The following AP3D1 variants were observed in gnomAD, a reference collection of about 807,000 sequenced individuals.
AP3D1 encodes the protein adaptor related protein complex 3 subunit delta 1.
Under a neutral mutation model 147.6 loss-of-function variants are expected in AP3D1, and 51 were observed. The ratio of observed to expected loss-of-function variants is 0.35; its 90% CI spans 0.28 to 0.44. The LOEUF (loss-of-function observed/expected upper bound fraction) is 0.44. Ranked by LOEUF, AP3D1 falls within the 20% of genes least tolerant of loss-of-function variation. AP3D1 has a pLI of 1.00. For synonymous variants in AP3D1, 760 were observed against 663.0 expected (o/e 1.15, Z -2.25); for missense variants, 1,421 against 1,624.2 (o/e 0.87, Z 2.15).
At chr19:2,107,411 AC>A (rs1327477700) in intron 31 of AP3D1, among the ~76,000 whole-genome samples, 1 of 152,108 alleles carries the variant, frequency 6.6e-6, no homozygotes, top group East Asian at 1.9e-4. Context: ...GGGCACTGGA[AC>A]CAAACCGGAC....
chr19:2,119,465 G>T (rs760171288), intron 14 of AP3D1, among the ~76,000 whole-genome samples: 1 of 151,444 alleles, frequency 6.6e-6, no homozygotes, highest in Non-Finnish European at 1.5e-5. Flanking sequence ...ACGCCGAGGC[G>T]GGCGGATCAT....
intron 31 of AP3D1, among the ~76,000 whole-genome samples, chr19:2,105,858 G>C (rs989644876): frequency 3.9e-5 from 6 of 152,186 alleles, no homozygotes; most frequent in African/African-American, 1.2e-4. Flanking sequence ...CACTTTGGGA[G>C]TCTGAGGCAG....
intron 1 of AP3D1, among the ~76,000 whole-genome samples, chr19:2,161,553 T>C (rs1008813603): frequency 5.3e-5 from 8 of 152,006 alleles, no homozygotes; most frequent in Admixed American, 4.6e-4. Context: ...TCAAAATAAG[T>C]ATGTAGAGAT....
chr19:2,160,554 G>A (rs1268094174), intron 1 of AP3D1, among the ~76,000 whole-genome samples: 2 of 151,810 alleles, frequency 1.3e-5, no homozygotes, highest in East Asian at 3.9e-4. Flanking sequence ...AAAAGTGGGC[G>A]GAGATACAGG....
Position 2,108,678 on chromosome 19 carries a change from G to T in AP3D1, c.3552+9C>A, listed in dbSNP as rs770498955. The T allele has an allele frequency of 1.0e-5, 16 of 1,571,358 alleles. No individual in the cohort carries two copies. In the South Asian group the frequency reaches 1.9e-4, roughly 18 times the overall value. ...GGAGCCAGGGTGTGCACAGCAGCCC[G>T]AGGCTCACCTTTTTCACCAGGAGGC... On this transcript the variant is annotated intron_variant, in intron 31 of 31. Coordinates refer to ENST00000643116, the MANE Select transcript of AP3D1 (RefSeq NM_001261826.3).
At chr19:2,137,638 G>GAAT in intron 3 of AP3D1, 89 bp downstream of exon 3, 1 of 1,125,032 alleles carries the variant, frequency 8.9e-7, no homozygotes, top group South Asian at 1.3e-5. Flanking sequence ...TCTGTCTCAA[G>GAAT]AATAATAATA....
intron 26 of AP3D1, 119 bp from the exon 27 acceptor site, chr19:2,111,015 G>T: frequency 8.5e-7 from 1 of 1,183,288 alleles, no homozygotes; most frequent in Admixed American, 2.3e-5. Flanking sequence ...GGAAGGCACG[G>T]AGAGGGGCGC....
intron 31 of AP3D1, among the ~76,000 whole-genome samples, chr19:2,107,033 G>T (rs992152505): frequency 1.3e-5 from 2 of 152,134 alleles, no homozygotes; most frequent in Middle Eastern, 3.2e-3. Flanking sequence ...GGAGGCCGAG[G>T]CAGACAGATC....
rs1227734942 is a variant in AP3D1, at chr19:2,162,332, G to A, written c.-103+2024C>T. 1.1e-4 allele frequency among the ~76,000 whole-genome samples: 16 copies of A among 139,646 alleles called. 1 individual carries two copies. Among genetic ancestry groups the A allele is most frequent in the East Asian group, 1.1e-3 (5 of 4,444 alleles). The allele number at this position is 139,646 out of a possible 152,430, so 91.6% of individuals were successfully genotyped here. A position where few individuals can be genotyped will look rare whatever the true frequency, so the allele number is the denominator to read the frequency against. On this transcript the variant is annotated intron_variant, in intron 1 of 14. Transcript: ENST00000643010. The stretch of plus-strand genomic sequence containing the variant: ...ATTACAAGCGTGAGCCACCGCACCC[G>A]GCCCCTGTTGAGATCTTGATCAACA...
chr19:2,142,819 A>G (rs1428141762), intron 1 of AP3D1, among the ~76,000 whole-genome samples: 1 of 151,310 alleles, frequency 6.6e-6, no homozygotes, highest in Non-Finnish European at 1.5e-5. Flanking sequence ...CTGGAGTACA[A>G]TGGTGTGATC....
chr19:2,124,462 G>C (rs1256852330), intron 9 of AP3D1, among the ~76,000 whole-genome samples: 4 of 152,170 alleles, frequency 2.6e-5, no homozygotes, highest in South Asian at 2.1e-4. Flanking sequence ...AGCTCTAACA[G>C]CTTTAAAAGA....
intron 30 of AP3D1, 156 bp from the exon 31 acceptor site, chr19:2,108,922 T>A (rs2049344536): frequency 1.5e-6 from 2 of 1,315,568 alleles, no homozygotes; most frequent in South Asian, 2.8e-5. Context: ...GTGTGGGGAA[T>A]GCAGCCCCCG....
chr19:2,157,524 CCCATCCAT>C (rs142566326), intron 1 of AP3D1, among the ~76,000 whole-genome samples: 7 of 148,572 alleles, frequency 4.7e-5, no homozygotes, highest in Non-Finnish European at 8.9e-5. Context: ...CATACAGTAA[CCCATCCAT>C]CCATCCATCC....
chr19:2,111,069 T>C (rs2018261345), intron 26 of AP3D1, 173 bp from the exon 27 acceptor site: 3 of 911,820 alleles, frequency 3.3e-6, no homozygotes, highest in East Asian at 2.6e-5. Flanking sequence ...GCTCTTTGAG[T>C]GCATGGCGGG....
At chr19:2,163,060 A>C (rs1215422123) in intron 1 of AP3D1, among the ~76,000 whole-genome samples, 1 of 146,738 alleles carries the variant, frequency 6.8e-6, no homozygotes, top group Non-Finnish European at 1.6e-5. Flanking sequence ...AGTTTAATTA[A>C]ATTAATTAAT....
chr19:2,130,813 G>T (rs1016884299), intron 5 of AP3D1, among the ~76,000 whole-genome samples: 1 of 152,250 alleles, frequency 6.6e-6, no homozygotes, highest in Non-Finnish European at 1.5e-5. Context: ...GGCTGGAGAG[G>T]AAAGTCACAC....
chr19:2,102,173 T>A lies in AP3D1; in HGVS notation c.3648A>T (p.Ter1216CysextTer20), dbSNP rs778079706. 6.2e-7 allele frequency: 1 copy of A among 1,613,126 alleles called. No homozygotes were observed. The highest frequency in any genetic ancestry group is 1.1e-5 in the South Asian group (1 of 91,048). The change falls in exon 32 of 32, where the codon TGA becomes TGT. Residue 1216 changes from the stop codon to cysteine, a stop_lost. Coordinates refer to ENST00000643116, the MANE Select transcript of AP3D1 (RefSeq NM_001261826.3). ...EEMKATLAKC* is the reference protein window; with the variant it reads ...EEMKATLAKCC Reference sequence around the variant, plus strand: ...GTGGTGCGGGGCTCGCAGGCAGCTCTCAACACTTGGCCAGCGTCGCCTTCA... The same window carrying A: ...GTGGTGCGGGGCTCGCAGGCAGCTCACAACACTTGGCCAGCGTCGCCTTCA...
rs558386884 is a variant in AP3D1, at chr19:2,162,226, C to T, written c.-103+2130G>A. Among the ~76,000 whole-genome samples, 480 of 150,164 alleles carry T rather than the reference C, an allele frequency of 3.2e-3. 5 individuals are homozygous for T. The highest frequency in any genetic ancestry group is 0.011 in the African/African-American group (455 of 41,172). The stretch of plus-strand genomic sequence containing the variant: ...TAATTTTTTGTATTTTTAGTAGAGA[C>T]GGGGTTTCACCATGTTAGCCAGGAT... On this transcript the variant is annotated intron_variant, in intron 1 of 14. Transcript: ENST00000643010.
At chr19:2,129,482 G>T in intron 6 of AP3D1, 25 bp from the exon 7 acceptor site, 1 of 1,606,364 alleles carries the variant, frequency 6.2e-7, no homozygotes, top group South Asian at 1.1e-5. Context: ...GTTCTCATCA[G>T]CATGCCTGTC....
Sources: gnomAD v4.1 joint callset for allele counts (sites outside exome capture counted in the v4.1 genomes callset) on GRCh38, gnomAD v4.1.1 for gene constraint, MANE v1.5 for transcripts, NCBI Gene and HGNC (gene_info 2026-07-23, HGNC 2026-07-21) for gene names.